The following JAK2 variants were observed in gnomAD, a reference collection of about 807,000 sequenced individuals.
The protein encoded by JAK2 is tyrosine-protein kinase JAK2.
In JAK2, 86 loss-of-function variants were observed where a neutral mutation model predicts 139.3. The observed-to-expected ratio is 0.62, with a 90% CI of 0.52 to 0.74. The LOEUF is 0.74. JAK2 is among the 30% of genes least tolerant of loss of function. The pLI is 0.00. For synonymous variants in JAK2, 490 were observed against 437.7 expected, an observed-to-expected ratio of 1.12 and a Z score of -1.49; for missense variants, 1,421 against 1,360.3, an observed-to-expected ratio of 1.04 and a Z score of -0.70.
chr9:5,043,968 A>C lies in JAK2; in HGVS notation c.351-435A>C, dbSNP rs573186541. 1.1e-4 allele frequency among the ~76,000 whole-genome samples: 17 copies of C among 152,360 alleles called. No homozygotes were observed. In the South Asian group the frequency reaches 3.5e-3, roughly 32 times the overall value. On this transcript the variant is annotated intron_variant, in intron 4 of 24. Transcript: ENST00000381652. ...TGGTATGTGAATTATATCTCAATAA[A>C]GGTGTTACTAAAAGACAATATAGAG... is the stretch of plus-strand genomic sequence containing the variant.
At chr9:5,077,423 CTTA>C (rs757896107) in intron 14 of JAK2, 27 bp from the exon 15 acceptor site, 44 of 815,514 alleles carry the variant, frequency 5.4e-5, no homozygotes, top group African/African-American at 7.3e-5. Flanking sequence ...ATACTTAAGC[CTTA>C]TTATTATTAC....
intron 22 of JAK2, among the ~76,000 whole-genome samples, chr9:5,107,559 T>C (rs1234919995): frequency 6.6e-6 from 1 of 152,160 alleles, no homozygotes; most frequent in African/African-American, 2.4e-5. Flanking sequence ...AAGGGTTAGA[T>C]TGAATTGAAT....
At chr9:5,087,041 A>T (rs1820174101) in intron 19 of JAK2, among the ~76,000 whole-genome samples, 1 of 152,234 alleles carries the variant, frequency 6.6e-6, no homozygotes, top group Non-Finnish European at 1.5e-5. Context: ...AAAAGAAAAA[A>T]ATCAGATATA....
At chr9:5,123,650 C>T (rs1823779339) in intron 23 of JAK2, among the ~76,000 whole-genome samples, 1 of 151,864 alleles carries the variant, frequency 6.6e-6, no homozygotes, top group South Asian at 2.1e-4. Context: ...GATTTCTTGT[C>T]CTTTAGGTAG....
At chr9:5,015,882 T>C (rs965479980) in intron 2 of JAK2, among the ~76,000 whole-genome samples, 1 of 150,540 alleles carries the variant, frequency 6.6e-6, no homozygotes, top group Non-Finnish European at 1.5e-5. Flanking sequence ...GATTGTGTCA[T>C]ATTAAAATAT....
intron 19 of JAK2, 69 bp downstream of exon 19, chr9:5,081,930 A>G: frequency 7.7e-7 from 1 of 1,292,638 alleles, no homozygotes; most frequent in Non-Finnish European, 1.1e-6. Context: ...GAGCGTTTCT[A>G]AAGTTCACTT....
chr9:5,086,005 G>T, intron 19 of JAK2: 1 of 839,366 alleles, frequency 1.2e-6, no homozygotes, highest in Non-Finnish European at 2.1e-6. Flanking sequence ...TGATGAAACT[G>T]TGATATACTA....
At chr9:5,010,677 A>C (rs932925964) in intron 2 of JAK2, among the ~76,000 whole-genome samples, 6 of 152,198 alleles carry the variant, frequency 3.9e-5, no homozygotes, top group African/African-American at 1.4e-4. Context: ...ATAATTAATC[A>C]CATATTTACT....
rs1041949401 is a variant in JAK2 at position 5,110,912 on chromosome 9, G to A, written c.3060-12092G>A. Reference sequence around the variant, plus strand: ...TGAGATGCCCGCTCTGGCCCCAAGAGAATGAACCAGCCGCAGAGGATGGCA... The same window carrying A: ...TGAGATGCCCGCTCTGGCCCCAAGAAAATGAACCAGCCGCAGAGGATGGCA... On this transcript the variant is annotated intron_variant, in intron 22 of 24. Transcript: ENST00000381652. The A allele has an allele frequency of 3.0e-5, 17 of 563,034 alleles. 2 individuals are homozygous for A. In the African/African-American group the frequency reaches 3.2e-4, roughly 11 times the overall value. 34.9% of individuals were successfully genotyped at this position (563,034 alleles called of 1,614,324 possible). A position where few individuals can be genotyped will look rare whatever the true frequency, so the allele number is the denominator to read the frequency against.
chr9:5,040,911 G>C (rs1816449062), intron 4 of JAK2: 3 of 321,564 alleles, frequency 9.3e-6, no homozygotes, highest in South Asian at 5.3e-5. Context: ...CGGCCACCCA[G>C]ACGCTGCCGG....
At chr9:5,085,592 A>G in intron 19 of JAK2, 1 of 697,148 alleles carries the variant, frequency 1.4e-6, no homozygotes, top group Non-Finnish European at 2.7e-6. Context: ...CCACCTATAG[A>G]TACTACAGAA....
At chr9:5,121,354 TAAG>T (rs1823604799) in intron 22 of JAK2, among the ~76,000 whole-genome samples, 2 of 152,340 alleles carry the variant, frequency 1.3e-5, no homozygotes, top group South Asian at 2.1e-4. Flanking sequence ...AGTCCTCAAG[TAAG>T]AAGACTTGAC....
intron 2 of JAK2, among the ~76,000 whole-genome samples, chr9:4,999,059 T>G (rs941976187): frequency 6.6e-6 from 1 of 152,044 alleles, no homozygotes; most frequent in Non-Finnish European, 1.5e-5. Context: ...TCTCCTGACC[T>G]TGTGATCCAC....
chr9:5,019,171 C>T (rs1429647568), intron 2 of JAK2, among the ~76,000 whole-genome samples: 1 of 152,048 alleles, frequency 6.6e-6, no homozygotes, highest in East Asian at 1.9e-4. Context: ...TTTTCATTGT[C>T]TTCTAGAATA....
intron 22 of JAK2, chr9:5,091,123 G>T (rs2130685127): frequency 2.5e-6 from 1 of 400,206 alleles, no homozygotes; most frequent in Non-Finnish European, 4.4e-6. Context: ...ATTAAGTGTT[G>T]TCTTATTTAT....
intron 22 of JAK2, among the ~76,000 whole-genome samples, chr9:5,106,881 A>C (rs909904500): frequency 2.0e-5 from 3 of 152,052 alleles, no homozygotes; most frequent in Non-Finnish European, 4.4e-5. Flanking sequence ...AGGGAACATC[A>C]CACAAAGGGG....
chr9:5,119,130 T>C (rs1823425652), intron 22 of JAK2, among the ~76,000 whole-genome samples: 1 of 152,136 alleles, frequency 6.6e-6, no homozygotes, highest in Non-Finnish European at 1.5e-5. Flanking sequence ...AAAGGTTGAG[T>C]AGATTTTGTG....
At chr9:5,031,343 C>G (rs545822567) in intron 4 of JAK2, among the ~76,000 whole-genome samples, 14 of 152,180 alleles carry the variant, frequency 9.2e-5, no homozygotes, top group African/African-American at 2.9e-4. Context: ...ATTATTAAAG[C>G]CACATAATTA....
chr9:5,078,293 TTAACTC>T lies in JAK2; in HGVS notation c.1993-9_1993-4del. 4 of 1,607,544 alleles carry T rather than the reference TTAACTC, an allele frequency of 2.5e-6. No individual in the cohort carries two copies. The African/African-American group carries it at 4.0e-5, about 16-fold the overall frequency. ...GACTGATATTTGAATATATGTGCGT[TTAACTC>T]TAATAGGAAGAAAACACCCTTATTC... On this transcript the variant is annotated splice_region_variant and splice_polypyrimidine_tract_variant and intron_variant, in intron 15 of 24. Transcript: ENST00000381652.
Sources: allele counts gnomAD v4.1 joint callset (sites outside exome capture counted in the v4.1 genomes callset), GRCh38; gene constraint gnomAD v4.1.1; transcripts MANE v1.5; gene names NCBI Gene and HGNC (gene_info 2026-07-23, HGNC 2026-07-21).